Variants in PTGR3 observed in about 807,000 individuals in gnomAD.
PTGR3 encodes the protein zinc binding alcohol dehydrogenase domain containing 2.
chr18:75,195,419 C>T, the PTGR3 span: 17 of 152,140 alleles, frequency 1.1e-4, no homozygotes, highest in African/African-American at 4.1e-4. Flanking sequence ...CCAAAGGACC[C>T]GGGCAGATGG....
the PTGR3 span, chr18:75,208,978 G>A: frequency 1.9e-6 from 3 of 1,594,382 alleles, no homozygotes; most frequent in South Asian, 1.1e-5. Flanking sequence ...GGGGAATGGC[G>A]GAGCCCTGGA....
chr18:75,201,160 A>T, the PTGR3 span: 1 of 465,238 alleles, frequency 2.1e-6, no homozygotes. Context: ...CTGGAACGAG[A>T]CCATCCATGA....
the PTGR3 span, chr18:75,199,207 C>T: frequency 6.6e-6 from 1 of 152,548 alleles, no homozygotes; most frequent in East Asian, 1.9e-4. Context: ...CCTCAAAACA[C>T]AATAAATTTC....
At chr18:75,205,415 G>A in the PTGR3 span, 6 of 985,044 alleles carry the variant, frequency 6.1e-6, no homozygotes, top group African/African-American at 1.0e-4. Context: ...TGCAGTGAGC[G>A]CAGGATTCTA....
the PTGR3 span, chr18:75,200,510 A>C: frequency 6.6e-6 from 1 of 152,238 alleles, no homozygotes; most frequent in Admixed American, 6.5e-5. Flanking sequence ...GCGATGGGAC[A>C]TACCGTACCT....
the PTGR3 span, chr18:75,208,539 G>GT: frequency 1.0e-6 from 1 of 1,003,822 alleles, no homozygotes. Flanking sequence ...GGTCCCGTCG[G>GT]TTTTATTTCG....
chr18:75,205,545 A>T, the PTGR3 span: 1 of 951,258 alleles, frequency 1.1e-6, no homozygotes, highest in South Asian at 4.9e-5. Context: ...GCTTATATGT[A>T]CTTAAAAAGT....
the PTGR3 span, among the ~76,000 whole-genome samples, chr18:75,202,665 C>CAAAA: frequency 8.9e-5 from 7 of 79,086 alleles, no homozygotes; most frequent in African/African-American, 2.2e-4. Context: ...TAGAAATAAG[C>CAAAA]AAAAAAAAAA....
chr18:75,203,039 G>A, the PTGR3 span, among the ~76,000 whole-genome samples: 2 of 152,302 alleles, frequency 1.3e-5, no homozygotes, highest in East Asian at 1.9e-4. Context: ...AAATTGGGTA[G>A]AGCGATTTTT....
the PTGR3 span, chr18:75,201,993 C>T: frequency 1.9e-6 from 3 of 1,614,088 alleles, no homozygotes; most frequent in South Asian, 3.3e-5. Context: ...GGCAAACTGG[C>T]CCGTTCCCCC....
the PTGR3 span, chr18:75,205,464 C>A: frequency 3.0e-6 from 3 of 985,232 alleles, no homozygotes; most frequent in African/African-American, 5.2e-5. Flanking sequence ...GACTAAAATC[C>A]AGAAACCCCA....
the PTGR3 span, among the ~76,000 whole-genome samples, chr18:75,203,267 G>C: frequency 6.6e-6 from 1 of 152,018 alleles, no homozygotes; most frequent in African/African-American, 2.4e-5. Flanking sequence ...TACATAGGAG[G>C]AAAAAAGCCA....
the PTGR3 span, chr18:75,209,136 C>T: frequency 4.5e-5 from 55 of 1,224,766 alleles, no homozygotes; most frequent in East Asian, 8.4e-4. The surrounding 1 kb of genome is among the most constrained non-coding windows in gnomAD (Gnocchi z 4.7). Flanking sequence ...CTCGGCTGTG[C>T]TCTGCTCGGC....
the PTGR3 span, chr18:75,201,681 G>C: frequency 1.9e-6 from 3 of 1,614,178 alleles, no homozygotes; most frequent in Non-Finnish European, 2.5e-6. Flanking sequence ...CAGTTTGGCT[G>C]GCAATGTTCC....
At chr18:75,202,119 G>C in the PTGR3 span, 1 of 1,614,074 alleles carries the variant, frequency 6.2e-7, no homozygotes, top group Non-Finnish European at 8.5e-7. Context: ...TTTCACTGAG[G>C]GCACTGGAGT....
chr18:75,208,856 CG>C, the PTGR3 span: 8 of 1,508,582 alleles, frequency 5.3e-6, no homozygotes, highest in Non-Finnish European at 7.1e-6. Flanking sequence ...TCACCGGTTC[CG>C]GACGAGGAGG....
the PTGR3 span, chr18:75,205,513 C>G: frequency 1.0e-6 from 1 of 984,066 alleles, no homozygotes; most frequent in Non-Finnish European, 1.2e-6. Flanking sequence ...TTCTCCAAAT[C>G]TGTACCCTTC....
chr18:75,204,248 A>G, the PTGR3 span, among the ~76,000 whole-genome samples: 2 of 152,134 alleles, frequency 1.3e-5, no homozygotes, highest in Admixed American at 1.3e-4. Flanking sequence ...CAAGGGGAAA[A>G]TGCAACCCCC....
the PTGR3 span, chr18:75,196,068 C>A: frequency 2.6e-5 from 4 of 152,192 alleles, no homozygotes; most frequent in Non-Finnish European, 5.9e-5. Flanking sequence ...TCCTTACCCA[C>A]GTTTCAACAT....
Sources: allele counts gnomAD v4.1 joint callset (sites outside exome capture counted in the v4.1 genomes callset), GRCh38; gene constraint gnomAD v4.1.1; non-coding constraint Gnocchi (gnomAD v3.1); transcripts MANE v1.5; gene names NCBI Gene and HGNC (gene_info 2026-07-23, HGNC 2026-07-21).